APP: variants seen among roughly 807,000 people sequenced by gnomAD.
The protein encoded by APP is amyloid-beta precursor protein.
In APP, 31 loss-of-function variants were observed where a neutral mutation model predicts 101.4. That is an observed-to-expected ratio of 0.31 (90% CI 0.23 to 0.41). The LOEUF is 0.41. APP is among the 10% of genes least tolerant of loss of function. APP has a pLI of 1.00. For synonymous variants in APP, 366 were observed against 364.4 expected (o/e 1.00, Z -0.05); for missense variants, 839 against 1,003.7 (o/e 0.84, Z 2.22).
In APP at chr21:25,881,623, A is replaced by G; in HGVS notation, c.*47T>C. 1 of 1,568,246 alleles carries G rather than the reference A, an allele frequency of 6.4e-7. No homozygotes were observed. The highest frequency in any genetic ancestry group is 8.8e-7 in the Non-Finnish European group (1 of 1,138,514). On this transcript the variant is annotated 3_prime_UTR_variant, in exon 18 of 18. Coordinates refer to ENST00000346798, the MANE Select transcript of APP (RefSeq NM_000484.4). ...TATAAATGGACACCGATGGGTAGTGAAGCAATGGTTTTGCTGTCCAACTTC... is the reference window on the plus strand; with the variant it reads ...TATAAATGGACACCGATGGGTAGTGGAGCAATGGTTTTGCTGTCCAACTTC...
intron 11 of APP, among the ~76,000 whole-genome samples, chr21:25,969,716 T>C (rs1319490822): frequency 6.6e-6 from 1 of 151,592 alleles, no homozygotes; most frequent in Non-Finnish European, 1.5e-5. Flanking sequence ...GTGGAGCTTC[T>C]GTAGACCCAA....
At chr21:25,938,158 G>A (rs914468703) in intron 13 of APP, among the ~76,000 whole-genome samples, 5 of 152,106 alleles carry the variant, frequency 3.3e-5, no homozygotes, top group African/African-American at 1.2e-4. Context: ...CTAATAAGAA[G>A]TCTTATCTTG....
At chr21:26,008,110 T>G (rs1162714993) in intron 6 of APP, among the ~76,000 whole-genome samples, 1 of 152,222 alleles carries the variant, frequency 6.6e-6, no homozygotes, top group East Asian at 1.9e-4. Flanking sequence ...TATCCGCAGT[T>G]GGCTAGCCTT....
At chr21:25,923,726 A>G (rs1385973285) in intron 13 of APP, among the ~76,000 whole-genome samples, 2 of 109,346 alleles carry the variant, frequency 1.8e-5, no homozygotes, top group Non-Finnish European at 3.6e-5. Context: ...AAAAGTCAGG[A>G]AACAACAGGT....
intron 4 of APP, among the ~76,000 whole-genome samples, chr21:26,052,780 A>C (rs1482887129): frequency 6.6e-6 from 1 of 152,238 alleles, no homozygotes; most frequent in African/African-American, 2.4e-5. Context: ...GAAAAGGCTA[A>C]ATTATTAAAA....
chr21:25,974,947 T>A, intron 11 of APP, 123 bp downstream of exon 11: 1 of 1,425,358 alleles, frequency 7.0e-7, no homozygotes, highest in Non-Finnish European at 9.7e-7. Flanking sequence ...GGGTTGAACC[T>A]CTGAATAACA....
At chr21:26,163,411 C>T (rs537394440) in intron 1 of APP, among the ~76,000 whole-genome samples, 1 of 152,196 alleles carries the variant, frequency 6.6e-6, no homozygotes, top group African/African-American at 2.4e-5. Flanking sequence ...ATTAATAAGA[C>T]CTTAAGGAAT....
chr21:25,947,597 C>G (rs933550914), intron 13 of APP, among the ~76,000 whole-genome samples: 1 of 152,214 alleles, frequency 6.6e-6, no homozygotes, highest in Non-Finnish European at 1.5e-5. Flanking sequence ...GGCAGCTAAA[C>G]TTACAGGCCT....
At chr21:26,144,842 G>A (rs1489137285) in intron 1 of APP, among the ~76,000 whole-genome samples, 1 of 152,190 alleles carries the variant, frequency 6.6e-6, no homozygotes, top group African/African-American at 2.4e-5. Context: ...GCTCCTTGAT[G>A]TTCAATGTGC....
chr21:26,138,569 T>G lies in APP; in HGVS notation c.58-26423A>C, dbSNP rs139614513. On this transcript the variant is annotated intron_variant, in intron 1 of 17. Transcript: ENST00000346798. ...TTAGCCAGGCATGGTGTTCCTCTCC[T>G]GTAGTCCTAGCTACTTAGGAGGCTG... Among the ~76,000 whole-genome samples the G allele has an allele frequency of 5.0e-3, 754 of 151,158 alleles. 11 individuals carry two copies. Among genetic ancestry groups the G allele is most frequent in the African/African-American group, 0.017 (707 of 41,274 alleles).
chr21:25,998,480 GCAGGAGACCAA>G (rs1384512972), intron 7 of APP, among the ~76,000 whole-genome samples: 1 of 151,968 alleles, frequency 6.6e-6, no homozygotes, highest in Non-Finnish European at 1.5e-5. Flanking sequence ...ACTGGCGATG[GCAGGAGACCAA>G]CAGGAGCTTT....
rs754729022 is a variant in APP, at chr21:26,112,160, C to G, written c.58-14G>C. The G allele has an allele frequency of 1.2e-6, 2 of 1,613,358 alleles. No individual in the cohort carries two copies. The highest frequency in any genetic ancestry group is 1.7e-5 in the Admixed American group (1 of 60,004). ...ATCAGTGGGTACCTGAAAGAAGAAG[C>G]TTCAGTTAGTTATAGTATCCATAGC... On this transcript the variant is annotated splice_polypyrimidine_tract_variant and intron_variant, in intron 1 of 17. Transcript: ENST00000346798.
intron 13 of APP, among the ~76,000 whole-genome samples, chr21:25,930,357 C>T (rs369699787): frequency 5.4e-4 from 82 of 152,304 alleles, no homozygotes; most frequent in African/African-American, 1.9e-3. Flanking sequence ...CCAGCAAAAA[C>T]TCCGCCATGC....
intron 2 of APP, 139 bp downstream of exon 2, chr21:26,111,840 T>C (rs2062331530): frequency 1.2e-6 from 1 of 849,156 alleles, no homozygotes; most frequent in Non-Finnish European, 2.0e-6. Context: ...AATAAATATA[T>C]TAATGGTATG....
chr21:25,889,820 C>G (rs1167969433), intron 17 of APP, among the ~76,000 whole-genome samples: 1 of 151,894 alleles, frequency 6.6e-6, no homozygotes, highest in African/African-American at 2.4e-5. Context: ...GCACTCCAGC[C>G]TGGGTGAAAG....
At chr21:26,154,968 G>A (rs1342182193) in intron 1 of APP, among the ~76,000 whole-genome samples, 1 of 152,178 alleles carries the variant, frequency 6.6e-6, no homozygotes, top group Non-Finnish European at 1.5e-5. Flanking sequence ...TGTGAAATAT[G>A]TAATCAGGTG....
intron 5 of APP, 108 bp downstream of exon 5, chr21:26,050,892 T>C: frequency 7.4e-7 from 1 of 1,352,268 alleles, no homozygotes; most frequent in Non-Finnish European, 1.0e-6. Flanking sequence ...CTGATGGGAG[T>C]GGGCAGAGAC....
chr21:26,052,235 T>G (rs1416216816), intron 4 of APP, among the ~76,000 whole-genome samples: 1 of 152,216 alleles, frequency 6.6e-6, no homozygotes, highest in African/African-American at 2.4e-5. Context: ...ACTGCCTAAT[T>G]CTTGGGGGTG....
At position 26,057,035 on chromosome 21, in the gene APP, T is replaced by C. The variant is rs2145978842; in HGVS notation, c.356-3687A>G. 2.0e-5 allele frequency among the ~76,000 whole-genome samples: 3 copies of C among 152,336 alleles called. No homozygotes were observed. In the South Asian group the frequency reaches 6.2e-4, roughly 32 times the overall value. On this transcript the variant is annotated intron_variant, in intron 3 of 17. Transcript: ENST00000346798. ...TTTTCTCTTTTTAATTAAAAAATAT[T>C]GTACTTAAAAATCTTTGCTAGGACA...
Sources: gnomAD v4.1 joint callset for allele counts (sites outside exome capture counted in the v4.1 genomes callset) on GRCh38, gnomAD v4.1.1 for gene constraint, MANE v1.5 for transcripts, NCBI Gene and HGNC (gene_info 2026-07-23, HGNC 2026-07-21) for gene names.